NCK1: variants seen among roughly 807,000 people sequenced by gnomAD.
The protein encoded by NCK1 is SH2/SH3 adapter protein NCK1.
In NCK1, 19 loss-of-function variants were observed where a neutral mutation model predicts 36.6. The observed-to-expected ratio is 0.52, with a 90% CI of 0.36 to 0.76. NCK1 has a LOEUF of 0.76. Ranked by LOEUF, NCK1 falls within the 30% of genes least tolerant of loss-of-function variation. NCK1 has a pLI of 0.00. For missense variants in NCK1, 358 were observed against 445.6 expected, an observed-to-expected ratio of 0.80 and a Z score of 1.77; for synonymous variants, 165 against 156.0, an observed-to-expected ratio of 1.06 and a Z score of -0.43.
intron 2 of NCK1, among the ~76,000 whole-genome samples, chr3:136,936,054 T>TTTC (rs1195780702): frequency 1.3e-5 from 2 of 151,730 alleles, no homozygotes; most frequent in Non-Finnish European, 2.9e-5. Context: ...TTTTTTTTTT[T>TTTC]TTCTGAGACA....
intron 3 of NCK1, chr3:136,947,076 T>C (rs1461994820): frequency 6.6e-6 from 1 of 152,174 alleles, no homozygotes; most frequent in Non-Finnish European, 1.5e-5. Flanking sequence ...CAAAAGGGAA[T>C]GTGTAATTGC....
intron 2 of NCK1, 150 bp from the exon 3 acceptor site, chr3:136,945,433 A>G (rs1044931569): frequency 5.6e-6 from 3 of 531,418 alleles, no homozygotes; most frequent in East Asian, 3.2e-5. Flanking sequence ...TTCCAAAAAG[A>G]TGATTTTTAA....
At chr3:136,874,476 G>A (rs1243898283) in intron 1 of NCK1, among the ~76,000 whole-genome samples, 5 of 152,136 alleles carry the variant, frequency 3.3e-5, no homozygotes, top group African/African-American at 9.6e-5. Context: ...CACCACGCCC[G>A]GCCCGTTTAC....
intron 1 of NCK1, among the ~76,000 whole-genome samples, chr3:136,906,695 A>C (rs889649826): frequency 6.6e-6 from 1 of 152,164 alleles, no homozygotes; most frequent in African/African-American, 2.4e-5. Context: ...TTTAGGACCC[A>C]AGCTGTCTGT....
intron 3 of NCK1, among the ~76,000 whole-genome samples, chr3:136,947,229 G>T (rs1418307027): frequency 6.6e-6 from 1 of 152,126 alleles, no homozygotes; most frequent in Non-Finnish European, 1.5e-5. Context: ...GAAGAGTGAT[G>T]ACATCCATTT....
chr3:136,938,345 A>T (rs1329363973), intron 2 of NCK1, among the ~76,000 whole-genome samples: 1 of 152,136 alleles, frequency 6.6e-6, no homozygotes, highest in Non-Finnish European at 1.5e-5. Flanking sequence ...GAATTCACTT[A>T]TTGGCTAAAA....
chr3:136,947,784 C>G (rs558375066), intron 3 of NCK1, among the ~76,000 whole-genome samples: 13 of 152,176 alleles, frequency 8.5e-5, no homozygotes, highest in Non-Finnish European at 1.9e-4. Context: ...TAGATTAATT[C>G]TCATTTGTGT....
intron 1 of NCK1, among the ~76,000 whole-genome samples, chr3:136,909,819 TG>T (rs1560043650): frequency 6.6e-6 from 1 of 152,250 alleles, no homozygotes; most frequent in African/African-American, 2.4e-5. Context: ...TTTTTATTAA[TG>T]TATAGTATCC....
chr3:136,868,038 C>G (rs1938501094), intron 1 of NCK1, among the ~76,000 whole-genome samples: 1 of 152,066 alleles, frequency 6.6e-6, no homozygotes, highest in African/African-American at 2.4e-5. Context: ...TTGCCTCAGC[C>G]TCCTGAGGAG....
Position 136,867,253 on chromosome 3 carries a change from G to GTCTCTC in NCK1, c.-19+4908_-19+4913dup, listed in dbSNP as rs34349896. On this transcript the variant is annotated intron_variant, in intron 1 of 3. Transcript: ENST00000481752. The stretch of plus-strand genomic sequence containing the variant: ...CATCCATCCGTCTGTCCGTCCGTCT[G>GTCTCTC]TCTCTCTCTCTCTTTCTTTCTTTCT... 7.9e-5 allele frequency among the ~76,000 whole-genome samples: 9 copies of GTCTCTC among 114,448 alleles called. 1 individual carries two copies. The highest frequency in any genetic ancestry group is 2.0e-4 in the African/African-American group (6 of 29,998). 75.1% of individuals were successfully genotyped at this position (114,448 alleles called of 152,430 possible).
rs1202578117 is a variant in NCK1 at position 136,945,964 on chromosome 3, C to T, written c.608C>T (p.Ser203Leu). ...HVVQALYPFS[S>L]SNDEELNFEK... ...GTACAGGCTCTTTACCCATTCAGCT[C>T]ATCTAATGATGAAGAACTTAATTTC... Residue 203 changes from serine to leucine, a missense_variant, in exon 3 of 4, where the codon TCA becomes TTA. Coordinates refer to ENST00000481752, the MANE Select transcript of NCK1 (RefSeq NM_001291999.2). 2 of 1,613,920 alleles carry T rather than the reference C, an allele frequency of 1.2e-6. No individual in the cohort carries two copies. The highest frequency in any genetic ancestry group is 3.3e-5 in the Admixed American group (2 of 60,002).
At chr3:136,941,676 G>T (rs1940680696) in intron 2 of NCK1, among the ~76,000 whole-genome samples, 1 of 149,448 alleles carries the variant, frequency 6.7e-6, no homozygotes. Context: ...TTATGCATTT[G>T]TATTTTAAAT....
At chr3:136,907,688 C>T (rs955204649) in intron 1 of NCK1, among the ~76,000 whole-genome samples, 1 of 152,174 alleles carries the variant, frequency 6.6e-6, no homozygotes, top group Non-Finnish European at 1.5e-5. Flanking sequence ...TGATTATCTC[C>T]TCACTATTTT....
Position 136,950,621 on chromosome 3 carries a change from C to T in NCK1, c.*2168C>T, listed in dbSNP as rs1445592042. Among the ~76,000 whole-genome samples the T allele has an allele frequency of 6.6e-6, 1 of 152,118 alleles. No homozygotes were observed. Among genetic ancestry groups the T allele is most frequent in the Non-Finnish European group, 1.5e-5 (1 of 67,986 alleles). ...GAAGTAACTTTAAGAACTGAAACAA[C>T]CCTGGAAAACTCTACATAGCTAGAT... On this transcript the variant is annotated 3_prime_UTR_variant, in exon 4 of 4. Transcript: ENST00000481752.
At chr3:136,875,530 C>T (rs895302963) in intron 1 of NCK1, among the ~76,000 whole-genome samples, 1 of 152,118 alleles carries the variant, frequency 6.6e-6, no homozygotes, top group African/African-American at 2.4e-5. Context: ...AGACTTTAAA[C>T]CAACAAAGAT....
chr3:136,877,777 A>G (rs1938814885), intron 1 of NCK1, among the ~76,000 whole-genome samples: 1 of 152,172 alleles, frequency 6.6e-6, no homozygotes, highest in Non-Finnish European at 1.5e-5. Context: ...AAAGTAGAAA[A>G]TACTTCTTAG....
At chr3:136,946,760 G>T (rs1940839625) in intron 3 of NCK1, among the ~76,000 whole-genome samples, 1 of 152,036 alleles carries the variant, frequency 6.6e-6, no homozygotes, top group Non-Finnish European at 1.5e-5. Flanking sequence ...TTCATAAATT[G>T]GTTACTTGGA....
intron 1 of NCK1, among the ~76,000 whole-genome samples, chr3:136,865,145 G>A (rs796859151): frequency 5.3e-5 from 8 of 151,982 alleles, no homozygotes; most frequent in African/African-American, 1.9e-4. Context: ...TTTAGTAGAG[G>A]CAGGGTTTCA....
intron 1 of NCK1, among the ~76,000 whole-genome samples, chr3:136,880,100 C>T (rs368146930): frequency 4.0e-5 from 6 of 151,428 alleles, no homozygotes; most frequent in South Asian, 4.2e-4. Flanking sequence ...CTGGCTAACA[C>T]GGTGAAACCC....
Sources: allele counts gnomAD v4.1 joint callset (sites outside exome capture counted in the v4.1 genomes callset), GRCh38; gene constraint gnomAD v4.1.1; transcripts MANE v1.5; gene names NCBI Gene and HGNC (gene_info 2026-07-23, HGNC 2026-07-21).